The following EFNB2 variants were observed in gnomAD, a reference collection of about 807,000 sequenced individuals.
EFNB2 encodes ephrin B2.
Under a neutral mutation model 32.1 loss-of-function variants are expected in EFNB2, and 5 were observed. The ratio of observed to expected loss-of-function variants is 0.16; its 90% confidence interval spans 0.08 to 0.33. The LOEUF (loss-of-function observed/expected upper bound fraction) is 0.33. Among genes scored for constraint, EFNB2 ranks in the 10% least tolerant of loss-of-function variants. The probability of loss-of-function intolerance (pLI) is 1.00; values close to 1 mark genes in which losing one functional copy is unlikely to be tolerated. For missense variants in EFNB2, 263 were observed against 422.6 expected, an observed-to-expected ratio of 0.62 and a Z score of 3.31; for synonymous variants, 168 against 166.5, an observed-to-expected ratio of 1.01 and a Z score of -0.07.
At chr13:106,525,972 T>C (rs1879686821) in intron 1 of EFNB2, among the ~76,000 whole-genome samples, 1 of 152,182 alleles carries the variant, frequency 6.6e-6, no homozygotes, top group Admixed American at 6.5e-5. Context: ...TGAGTTGTTT[T>C]CCCAGAAAGG....
chr13:106,528,995 T>C (rs1360180680), intron 1 of EFNB2, among the ~76,000 whole-genome samples: 1 of 152,210 alleles, frequency 6.6e-6, no homozygotes, highest in Admixed American at 6.5e-5. Context: ...TTTTGGCATA[T>C]TGGATTACTA....
At position 106,513,762 on chromosome 13, in the gene EFNB2, C is replaced by CA. The variant is rs1879223826; in HGVS notation, c.123-951_123-950insT. ...AACAACACACTTAGAAATCTCAGCT[C>CA]GTTCGTAAGCAGCCAAGCCTGCAGG... On this transcript the variant is annotated intron_variant, in intron 1 of 4. Transcript: ENST00000646441. Among the ~76,000 whole-genome samples the CA allele has an allele frequency of 1.1e-4, 3 of 27,782 alleles. No homozygotes were observed. In the South Asian group the frequency reaches 3.0e-3, roughly 28 times the overall value. 18.2% of individuals were successfully genotyped at this position (27,782 alleles called of 152,430 possible).
rs1878455386 is a variant in EFNB2 at position 106,492,832 on chromosome 13, T to G, written c.*208A>C. 1.6e-6 allele frequency: 1 copy of G among 620,058 alleles called. No individual in the cohort carries two copies. Among genetic ancestry groups the G allele is most frequent in the African/African-American group, 1.8e-5 (1 of 54,718 alleles). 38.4% of individuals were successfully genotyped at this position (620,058 alleles called of 1,614,324 possible). ...GGCGTCTTCTGCACAGTCTTCCAGC[T>G]TCCAGGGAGCGTGTGTGTTCACCAA... On this transcript the variant is annotated 3_prime_UTR_variant, in exon 5 of 5. Coordinates refer to ENST00000646441, the MANE Select transcript of EFNB2 (RefSeq NM_004093.4). This position sits in a 1 kb window ranked among gnomAD's most constrained non-coding sequence, Gnocchi z 5.1.
intron 2 of EFNB2, among the ~76,000 whole-genome samples, chr13:106,511,397 C>T (rs1331157386): frequency 6.6e-6 from 1 of 152,218 alleles, no homozygotes; most frequent in Non-Finnish European, 1.5e-5. Context: ...GGGAGGATCA[C>T]TTGAGCCCTG....
intron 4 of EFNB2, among the ~76,000 whole-genome samples, 153 bp downstream of exon 4, chr13:106,494,725 TTAA>T (rs1388693627): frequency 6.6e-6 from 1 of 152,214 alleles, no homozygotes; most frequent in East Asian, 1.9e-4. Flanking sequence ...TTGAGTGTAA[TTAA>T]TAATGACTCA....
intron 1 of EFNB2, among the ~76,000 whole-genome samples, chr13:106,532,065 AAC>A (rs879147692): frequency 4.0e-5 from 4 of 101,100 alleles, no homozygotes; most frequent in African/African-American, 1.4e-4. Context: ...TTAAAAAAAA[AAC>A]AAAAAAAAAA....
intron 1 of EFNB2, among the ~76,000 whole-genome samples, chr13:106,515,358 G>A (rs1205618350): frequency 6.6e-6 from 1 of 152,154 alleles, no homozygotes; most frequent in Non-Finnish European, 1.5e-5. Context: ...AATCTATAAT[G>A]GTCAGTGACG....
At chr13:106,523,066 C>A (rs1434416590) in intron 1 of EFNB2, among the ~76,000 whole-genome samples, 1 of 152,164 alleles carries the variant, frequency 6.6e-6, no homozygotes, top group East Asian at 1.9e-4. Flanking sequence ...TTCACAGATA[C>A]CTCCTTCCTG....
rs139457149 is a variant in EFNB2, at chr13:106,502,259, G to T, written c.407-6419C>A. Among the ~76,000 whole-genome samples the T allele has an allele frequency of 2.8e-3, 431 of 152,292 alleles. 2 individuals are homozygous for T. Among genetic ancestry groups the T allele is most frequent in the African/African-American group, 9.9e-3 (410 of 41,564 alleles). ...TAAACAGAATAATTTGGAAAAAGTAGATTCTAAAATTGAGTCACAGTTTAG... is the reference window on the plus strand; with the variant it reads ...TAAACAGAATAATTTGGAAAAAGTATATTCTAAAATTGAGTCACAGTTTAG... On this transcript the variant is annotated intron_variant, in intron 2 of 4. Transcript: ENST00000646441.
At chr13:106,500,211 G>T (rs1254043484) in intron 2 of EFNB2, among the ~76,000 whole-genome samples, 1 of 152,178 alleles carries the variant, frequency 6.6e-6, no homozygotes, top group Non-Finnish European at 1.5e-5. Flanking sequence ...TCACCGCTCT[G>T]CTCCCAGGAG....
At chr13:106,506,814 C>T (rs765072769) in intron 2 of EFNB2, 2 of 152,150 alleles carry the variant, frequency 1.3e-5, no homozygotes, top group Admixed American at 1.3e-4. Context: ...TCCCATCAAC[C>T]CTGTGAAGCA....
In EFNB2 at chr13:106,518,673, G is replaced by GT. The variant is rs2138929211; in HGVS notation, c.123-5862dup. ...GATCTATTTCTGCACTTTGCCCAGT[G>GT]TAATAGGAGGATCCGTGGGAAGCCA... On this transcript the variant is annotated intron_variant, in intron 1 of 4. Coordinates refer to ENST00000646441, the MANE Select transcript of EFNB2 (RefSeq NM_004093.4). This position sits in a 1 kb window ranked among gnomAD's most constrained non-coding sequence, Gnocchi z 4.1. 1 of 152,398 alleles carries GT rather than the reference G, an allele frequency of 6.6e-6. No individual in the cohort carries two copies. The highest frequency in any genetic ancestry group is 2.1e-4 in the South Asian group (1 of 4,826). 9.4% of individuals were successfully genotyped at this position (152,398 alleles called of 1,614,324 possible).
intron 1 of EFNB2, among the ~76,000 whole-genome samples, chr13:106,530,026 G>A (rs756392563): frequency 1.3e-5 from 2 of 152,176 alleles, no homozygotes; most frequent in Non-Finnish European, 2.9e-5. Context: ...GAGTTCACAC[G>A]GCTAGTATCG....
intron 2 of EFNB2, among the ~76,000 whole-genome samples, chr13:106,497,277 T>C (rs937801103): frequency 6.6e-6 from 1 of 152,228 alleles, no homozygotes; most frequent in African/African-American, 2.4e-5. Flanking sequence ...CTCTGAGTGC[T>C]TGCTTAAACT....
intron 1 of EFNB2, among the ~76,000 whole-genome samples, chr13:106,527,773 T>C (rs1413972458): frequency 6.6e-6 from 1 of 152,274 alleles, no homozygotes; most frequent in African/African-American, 2.4e-5. Flanking sequence ...CTAATACTTC[T>C]GAAATATCTT....
At chr13:106,514,780 T>C (rs980009546) in intron 1 of EFNB2, among the ~76,000 whole-genome samples, 5 of 152,154 alleles carry the variant, frequency 3.3e-5, no homozygotes, top group African/African-American at 1.2e-4. Flanking sequence ...AAGGGTTAGC[T>C]ACTATTAGGG....
chr13:106,534,279 C>G (rs1879980454), intron 1 of EFNB2, among the ~76,000 whole-genome samples: 1 of 152,194 alleles, frequency 6.6e-6, no homozygotes, highest in African/African-American at 2.4e-5. Flanking sequence ...GAGCTCCCCG[C>G]GCACCCTCGG....
rs960976231 is a variant in EFNB2, at chr13:106,490,351, C to T, written c.*2689G>A. On this transcript the variant is annotated 3_prime_UTR_variant, in exon 5 of 5. Coordinates refer to ENST00000646441, the MANE Select transcript of EFNB2 (RefSeq NM_004093.4). ...GGGTGACCAGGGACGATCATACAAG[C>T]AAGGCATTTACAGTAACTTTCCAAA... 1 of 152,142 alleles carries T rather than the reference C, an allele frequency of 6.6e-6. No individual in the cohort carries two copies. The highest frequency in any genetic ancestry group is 2.4e-5 in the African/African-American group (1 of 41,414). The allele number at this position is 152,142 out of a possible 1,614,324, so 9.4% of individuals were successfully genotyped here.
At chr13:106,502,396 T>C (rs10508174) in intron 2 of EFNB2, among the ~76,000 whole-genome samples, 76,415 of 152,072 alleles carry the variant, frequency 0.5, 19,880 homozygotes, top group East Asian at 0.57. Context: ...CAAATATTCA[T>C]GATGAACAAT....
Sources: gnomAD v4.1 joint callset for allele counts (sites outside exome capture counted in the v4.1 genomes callset) on GRCh38, gnomAD v4.1.1 for gene constraint, Gnocchi (gnomAD v3.1) non-coding constraint, MANE v1.5 for transcripts, NCBI Gene and HGNC (gene_info 2026-07-23, HGNC 2026-07-21) for gene names.